Variants in ANO10 observed in about 807,000 individuals in gnomAD.
ANO10 encodes anoctamin-10.
In ANO10, 77 loss-of-function variants were observed where a neutral mutation model predicts 74.7. The ratio of observed to expected loss-of-function variants is 1.03; its 90% CI spans 0.86 to 1.25. The LOEUF (loss-of-function observed/expected upper bound fraction) is 1.25. Ranked by LOEUF, ANO10 falls within the 50% of genes most tolerant of loss-of-function variation. The pLI is 0.00. For synonymous variants in ANO10, 279 were observed against 284.9 expected, an observed-to-expected ratio of 0.98 and a Z score of 0.21; for missense variants, 721 against 778.1, an observed-to-expected ratio of 0.93 and a Z score of 0.87.
At chr3:43,389,282 G>C (rs759963464) in intron 12 of ANO10, among the ~76,000 whole-genome samples, 23 of 152,328 alleles carry the variant, frequency 1.5e-4, no homozygotes, top group Non-Finnish European at 2.4e-4. Flanking sequence ...GAACAGCAGA[G>C]AGCACAAGAG....
rs183269031 is a variant in ANO10 at position 43,443,965 on chromosome 3, A to C, written c.1798-11238T>G. 9.9e-5 allele frequency among the ~76,000 whole-genome samples: 15 copies of C among 152,282 alleles called. No homozygotes were observed. The East Asian group carries it at 2.5e-3, about 25-fold the overall frequency. Reference sequence around the variant, plus strand: ...CCAAAGTGCTGGGATTACAGGCATGAGTCACTGCACCCGGATCCTTCTCTA... The same window carrying C: ...CCAAAGTGCTGGGATTACAGGCATGCGTCACTGCACCCGGATCCTTCTCTA... On this transcript the variant is annotated intron_variant, in intron 11 of 12. Coordinates refer to ENST00000292246, the MANE Select transcript of ANO10 (RefSeq NM_018075.5).
intron 11 of ANO10, among the ~76,000 whole-genome samples, chr3:43,469,183 C>A (rs1360173752): frequency 1.3e-5 from 2 of 151,198 alleles, no homozygotes; most frequent in Non-Finnish European, 2.9e-5. Flanking sequence ...GCTGGAATTA[C>A]AGGCACACAC....
chr3:43,444,742 T>A (rs540930056), intron 11 of ANO10, among the ~76,000 whole-genome samples: 1 of 152,226 alleles, frequency 6.6e-6, no homozygotes, highest in South Asian at 2.1e-4. Context: ...GACACAGTCA[T>A]GGCGAGGACG....
intron 11 of ANO10, among the ~76,000 whole-genome samples, chr3:43,540,956 C>T (rs2078928731): frequency 6.6e-6 from 1 of 152,024 alleles, no homozygotes; most frequent in African/African-American, 2.4e-5. Flanking sequence ...ATTAGGAGAA[C>T]ACAGAGCAAT....
intron 11 of ANO10, among the ~76,000 whole-genome samples, chr3:43,475,532 C>T (rs1172968401): frequency 6.6e-6 from 1 of 152,104 alleles, no homozygotes; most frequent in African/African-American, 2.4e-5. Context: ...ACATTTAATA[C>T]CTAATCAATC....
intron 12 of ANO10, among the ~76,000 whole-genome samples, chr3:43,385,898 C>A (rs1300445394): frequency 6.6e-6 from 1 of 152,028 alleles, no homozygotes; most frequent in African/African-American, 2.4e-5. Flanking sequence ...ACCTGTCCCC[C>A]AAAAACATAT....
At chr3:43,623,473 G>A (rs2083460833), upstream of ANO10, among the ~76,000 whole-genome samples, 1 of 152,162 alleles carries the variant, frequency 6.6e-6, no homozygotes, top group East Asian at 1.9e-4. Flanking sequence ...AGATAATGGA[G>A]GATTACCAGC....
chr3:43,446,266 A>G (rs143936577), intron 11 of ANO10, among the ~76,000 whole-genome samples: 1 of 152,342 alleles, frequency 6.6e-6, no homozygotes, highest in Non-Finnish European at 1.5e-5. Flanking sequence ...TATCAGCAAT[A>G]ACTCAAGCTT....
chr3:43,590,137 G>A (rs773105823), intron 4 of ANO10, among the ~76,000 whole-genome samples: 12 of 152,132 alleles, frequency 7.9e-5, no homozygotes, highest in Non-Finnish European at 1.3e-4. Flanking sequence ...AGATGCTTGG[G>A]AGAAGTATTT....
At chr3:43,675,001 C>T (rs1255240344) in intron 1 of ANO10, among the ~76,000 whole-genome samples, 1 of 152,134 alleles carries the variant, frequency 6.6e-6, no homozygotes, top group Non-Finnish European at 1.5e-5. Flanking sequence ...ATTTGAACAC[C>T]ACATCTCTGT....
chr3:43,393,499 A>G (rs954363153), intron 12 of ANO10, among the ~76,000 whole-genome samples: 3 of 152,120 alleles, frequency 2.0e-5, no homozygotes, highest in Non-Finnish European at 4.4e-5. Flanking sequence ...ACATAAATCT[A>G]AAGATGATAC....
At chr3:43,369,349 T>C (rs1471451491) in intron 12 of ANO10, among the ~76,000 whole-genome samples, 4 of 152,270 alleles carry the variant, frequency 2.6e-5, no homozygotes, top group African/African-American at 4.8e-5. Context: ...CAAGGTCATC[T>C]GCACTGAACT....
intron 11 of ANO10, among the ~76,000 whole-genome samples, chr3:43,488,679 G>A (rs983826257): frequency 4.0e-5 from 6 of 150,308 alleles, no homozygotes; most frequent in South Asian, 2.1e-4. Context: ...AACAGGTGCT[G>A]GAGAGGATGT....
At chr3:43,441,438 T>C (rs957279090) in intron 11 of ANO10, among the ~76,000 whole-genome samples, 4 of 151,830 alleles carry the variant, frequency 2.6e-5, no homozygotes, top group African/African-American at 9.7e-5. Context: ...CCTAGAAACA[T>C]GCAACCTACC....
chr3:43,576,997 G>A lies in ANO10; in HGVS notation c.857C>T (p.Pro286Leu), dbSNP rs375157457. 1 of 1,613,740 alleles carries A rather than the reference G, an allele frequency of 6.2e-7. No individual in the cohort carries two copies. The highest frequency in any genetic ancestry group is 1.1e-5 in the South Asian group (1 of 91,084). ...GATACCCAAGACACCATGAAATCCT[G>A]GCCGGGGCTCCTCAAACTTTCTCTT... Reference protein sequence around the residue: ...LMKRKFEEPRPGFHGVLGINS... With the variant: ...LMKRKFEEPRLGFHGVLGINS... The change falls in exon 6 of 13, where the codon CCA becomes CTA. Residue 286 changes from proline to leucine, a missense_variant. By Grantham distance (98) the Pro-to-Leu change is moderately conservative (BLOSUM62 -3). Coordinates refer to ENST00000292246, the MANE Select transcript of ANO10 (RefSeq NM_018075.5).
chr3:43,460,354 G>C (rs1015031756), intron 11 of ANO10, among the ~76,000 whole-genome samples: 2 of 152,208 alleles, frequency 1.3e-5, no homozygotes, highest in African/African-American at 4.8e-5. Context: ...AATGGCTGCA[G>C]CTAAGTAACT....
chr3:43,381,141 C>T (rs1041266746), intron 12 of ANO10, among the ~76,000 whole-genome samples: 2 of 152,262 alleles, frequency 1.3e-5, no homozygotes, highest in Non-Finnish European at 2.9e-5. Context: ...TCCCACTGGG[C>T]CCTCCCATGA....
intron 1 of ANO10, among the ~76,000 whole-genome samples, chr3:43,688,751 G>A (rs1044318557): frequency 6.6e-6 from 1 of 151,942 alleles, no homozygotes; most frequent in Non-Finnish European, 1.5e-5. Context: ...GGCTGAGGCA[G>A]GAGAATTGCT....
At chr3:43,496,834 C>T (rs979327990) in intron 11 of ANO10, among the ~76,000 whole-genome samples, 1 of 152,062 alleles carries the variant, frequency 6.6e-6, no homozygotes, top group Admixed American at 6.6e-5. Context: ...AATTCAAATC[C>T]TCCTCTGATT....
Sources: gnomAD v4.1 joint callset for allele counts (sites outside exome capture counted in the v4.1 genomes callset) on GRCh38, gnomAD v4.1.1 for gene constraint, MANE v1.5 for transcripts, NCBI Gene and HGNC (gene_info 2026-07-23, HGNC 2026-07-21) for gene names.